The following RUNX3 variants were observed in gnomAD, a reference collection of about 807,000 sequenced individuals.
RUNX3 encodes runt-related transcription factor 3.
In RUNX3, 10 loss-of-function variants were observed where a neutral mutation model predicts 27.7. The observed-to-expected ratio is 0.36, with a 90% CI of 0.22 to 0.61. The LOEUF (loss-of-function observed/expected upper bound fraction) is 0.61. RUNX3 is among the 20% of genes least tolerant of loss of function. The pLI is 0.72. For synonymous variants in RUNX3, 270 were observed against 269.2 expected, an observed-to-expected ratio of 1.00 and a Z score of -0.03; for missense variants, 469 against 629.5, an observed-to-expected ratio of 0.75 and a Z score of 2.73.
In RUNX3 at chr1:24,927,429, C is replaced by T. The variant is rs566175422; in HGVS notation, c.439+145G>A. The T allele has an allele frequency of 1.6e-4, 121 of 743,610 alleles. No individual in the cohort carries two copies. The South Asian group carries it at 2.0e-3, about 12-fold the overall frequency. 46.1% of individuals were successfully genotyped at this position (743,610 alleles called of 1,614,324 possible). On this transcript the variant is annotated intron_variant, in intron 2 of 4. Coordinates refer to ENST00000308873, the MANE Select transcript of RUNX3 (RefSeq NM_004350.3). The surrounding 1 kb of genome is among the most constrained non-coding windows in gnomAD (Gnocchi z 5.0). ...ACCTCCTCAAAGCGATCTGTAATAT[C>T]CTACAGGATTACAAATTGCTGTTTT...
chr1:24,955,635 C>G (rs1290848484), intron 2 of RUNX3, among the ~76,000 whole-genome samples: 1 of 152,138 alleles, frequency 6.6e-6, no homozygotes, highest in South Asian at 2.1e-4. Flanking sequence ...GGCTGAATCT[C>G]GAGGCTCTGG....
chr1:24,915,790 C>T (rs1327001440), intron 3 of RUNX3, among the ~76,000 whole-genome samples: 1 of 152,070 alleles, frequency 6.6e-6, no homozygotes, highest in Non-Finnish European at 1.5e-5. Flanking sequence ...CAGGGGGTAA[C>T]GGGCACAGGC....
chr1:24,927,395 A>C lies in RUNX3; in HGVS notation c.439+179T>G, dbSNP rs1641119351. 6.6e-6 allele frequency among the ~76,000 whole-genome samples: 1 copy of C among 152,158 alleles called. No homozygotes were observed. The highest frequency in any genetic ancestry group is 1.5e-5 in the Non-Finnish European group (1 of 68,038). On this transcript the variant is annotated intron_variant, in intron 2 of 4. Coordinates refer to ENST00000308873, the MANE Select transcript of RUNX3 (RefSeq NM_004350.3). This position sits in a 1 kb window ranked among gnomAD's most constrained non-coding sequence, Gnocchi z 5.0. ...TGTCTTTTTCTGGCAAGAGACCATAACTTTCCTCACCTCCTCAAAGCGATC... is the reference window on the plus strand; with the variant it reads ...TGTCTTTTTCTGGCAAGAGACCATACCTTTCCTCACCTCCTCAAAGCGATC...
chr1:24,930,175 C>T lies in RUNX3; in HGVS notation c.-307G>A. On this transcript the variant is annotated 5_prime_UTR_variant, in exon 1 of 5. Coordinates refer to ENST00000308873, the MANE Select transcript of RUNX3 (RefSeq NM_004350.3). This position sits in a 1 kb window ranked among gnomAD's most constrained non-coding sequence, Gnocchi z 4.1. ...TGCCTGGGCCGCGGCGGGGCCCGCG[C>T]GGGGCTGTGCCGCTGCCGCCGCCTC... The T allele has an allele frequency of 1.0e-6, 1 of 978,838 alleles. No individual in the cohort carries two copies. The highest frequency in any genetic ancestry group is 1.2e-6 in the Non-Finnish European group (1 of 827,016). The allele number at this position is 978,838 out of a possible 1,614,324, so 60.6% of individuals were successfully genotyped here.
chr1:24,915,573 G>A (rs897294613), intron 3 of RUNX3, among the ~76,000 whole-genome samples: 1 of 152,216 alleles, frequency 6.6e-6, no homozygotes, highest in Non-Finnish European at 1.5e-5. Flanking sequence ...AAGGCTGTGT[G>A]TGTGCCACTT....
upstream of RUNX3, among the ~76,000 whole-genome samples, chr1:24,931,917 C>A (rs776993278): frequency 5.3e-5 from 8 of 152,346 alleles, no homozygotes; most frequent in Admixed American, 1.3e-4. Flanking sequence ...GGCCCGCGCG[C>A]CCTCGGACGC....
rs537142325 is a variant in RUNX3, at chr1:24,902,101, G to A, written c.*21C>T. On this transcript the variant is annotated 3_prime_UTR_variant, in exon 5 of 5. Transcript: ENST00000308873. The surrounding 1 kb of genome is among the most constrained non-coding windows in gnomAD (Gnocchi z 9.2). ...GGTTGTTAGGGTCCCCGCCTCCAGC[G>A]GGAGGAGTCCACCAGGGCGGTCAGT... The A allele has an allele frequency of 1.3e-4, 191 of 1,508,026 alleles. No homozygotes were observed. Among genetic ancestry groups the A allele is most frequent in the Non-Finnish European group, 7.1e-5 (80 of 1,126,650 alleles). 93.4% of individuals were successfully genotyped at this position (1,508,026 alleles called of 1,614,324 possible).
chr1:24,916,397 CG>C lies in RUNX3; in HGVS notation c.544+2842del, dbSNP rs148606822. Among the ~76,000 whole-genome samples, 4,232 of 152,288 alleles carry C rather than the reference CG, an allele frequency of 0.028. 204 individuals carry two copies. Among genetic ancestry groups the C allele is most frequent in the African/African-American group, 0.097 (4,023 of 41,548 alleles). The stretch of plus-strand genomic sequence containing the variant: ...AGTGGCCCTCACTTCCCGCAGCCCC[CG>C]GGTCGGAGCCCCCAGGGTGTGCTGA... On this transcript the variant is annotated intron_variant, in intron 3 of 4. Transcript: ENST00000308873. The surrounding 1 kb of genome is among the most constrained non-coding windows in gnomAD (Gnocchi z 4.8).
At chr1:24,946,476 G>A (rs1008161120) in intron 2 of RUNX3, among the ~76,000 whole-genome samples, 1 of 148,586 alleles carries the variant, frequency 6.7e-6, no homozygotes, top group African/African-American at 2.5e-5. Flanking sequence ...CAACATGTGT[G>A]TATGTGTGTT....
chr1:24,931,164 C>T (rs530687458), upstream of RUNX3, among the ~76,000 whole-genome samples: 30 of 152,268 alleles, frequency 2.0e-4, no homozygotes, highest in Non-Finnish European at 3.8e-4. Context: ...ACAGCAGTGG[C>T]TGCAAAGCTA....
intron 3 of RUNX3, among the ~76,000 whole-genome samples, 158 bp downstream of exon 3, chr1:24,919,082 G>A (rs1640943679): frequency 6.6e-6 from 1 of 152,242 alleles, no homozygotes; most frequent in South Asian, 2.1e-4. Flanking sequence ...AGCCCAGAGG[G>A]TTTAGGGGTT....
intron 2 of RUNX3, among the ~76,000 whole-genome samples, chr1:24,940,816 G>T (rs902226693): frequency 6.6e-6 from 1 of 152,072 alleles, no homozygotes; most frequent in East Asian, 1.9e-4. Flanking sequence ...TCAGGGAAGG[G>T]ACACTGGTGG....
chr1:24,932,278 T>C (rs1361167870), upstream of RUNX3, among the ~76,000 whole-genome samples: 1 of 124,090 alleles, frequency 8.1e-6, no homozygotes, highest in Non-Finnish European at 1.6e-5. Flanking sequence ...CGGCTCTCCG[T>C]AGGGCGCTGG....
chr1:24,909,098 G>A (rs1412062988), intron 3 of RUNX3, among the ~76,000 whole-genome samples: 1 of 152,184 alleles, frequency 6.6e-6, no homozygotes, highest in Non-Finnish European at 1.5e-5. Flanking sequence ...AGGACTCAGA[G>A]GTGCTGGGAG....
chr1:24,962,684 C>A lies in RUNX3; in HGVS notation c.58+1830G>T, dbSNP rs915829828. Among the ~76,000 whole-genome samples the A allele has an allele frequency of 6.6e-6, 1 of 152,222 alleles. No homozygotes were observed. Among genetic ancestry groups the A allele is most frequent in the Admixed American group, 6.5e-5 (1 of 15,284 alleles). On this transcript the variant is annotated intron_variant, in intron 2 of 6. Transcript: ENST00000338888. The surrounding 1 kb of genome is among the most constrained non-coding windows in gnomAD (Gnocchi z 4.5). ...CCTAGCCTATGAGGCGCCTTCTGTG[C>A]CACTGCTGGCCAGGATCAGCCCGCT...
At chr1:24,942,434 A>C (rs1300472820) in intron 2 of RUNX3, among the ~76,000 whole-genome samples, 3 of 152,216 alleles carry the variant, frequency 2.0e-5, no homozygotes, top group Non-Finnish European at 4.4e-5. Context: ...TCAAGAAAAC[A>C]GATGGGGGTA....
rs548821110 is a variant in RUNX3 at position 24,935,962 on chromosome 1, A to C, written c.59-6110T>G. On this transcript the variant is annotated intron_variant, in intron 2 of 6. Coordinates refer to the RUNX3 transcript ENST00000338888. ...CCTTCCAGCACCCCACTCCTCGATC[A>C]GGGAGGGGCTGTCTGCACTCTGACC... is the stretch of plus-strand genomic sequence containing the variant. Among the ~76,000 whole-genome samples the C allele has an allele frequency of 1.8e-3, 277 of 152,342 alleles. 2 individuals carry two copies. The highest frequency in any genetic ancestry group is 6.5e-3 in the African/African-American group (272 of 41,586).
upstream of RUNX3, among the ~76,000 whole-genome samples, chr1:24,930,733 G>A (rs931019803): frequency 6.6e-6 from 1 of 152,166 alleles, no homozygotes; most frequent in African/African-American, 2.4e-5. The surrounding 1 kb of genome is among the most constrained non-coding windows in gnomAD (Gnocchi z 4.1). Flanking sequence ...GCCGCACTGG[G>A]AGCCGCCCCA....
chr1:24,917,401 G>A (rs867097005), intron 3 of RUNX3, among the ~76,000 whole-genome samples: 8 of 152,220 alleles, frequency 5.3e-5, no homozygotes, highest in Admixed American at 2.0e-4. Flanking sequence ...GGGAGTGCAG[G>A]AAGGGGGCTG....
Sources: allele counts gnomAD v4.1 joint callset (sites outside exome capture counted in the v4.1 genomes callset), GRCh38; gene constraint gnomAD v4.1.1; non-coding constraint Gnocchi (gnomAD v3.1); transcripts MANE v1.5; gene names NCBI Gene and HGNC (gene_info 2026-07-23, HGNC 2026-07-21).